Variants in GXYLT2 observed in about 807,000 individuals in gnomAD.
The protein encoded by GXYLT2 is glucoside xylosyltransferase 2.
A neutral mutation model predicts 45.8 loss-of-function variants in GXYLT2; 53 were observed. That is an observed-to-expected ratio of 1.16 (90% confidence interval 0.93 to 1.46). The LOEUF is 1.46. Among genes scored for constraint, GXYLT2 ranks in the 40% most tolerant of loss-of-function variants. The pLI, the probability that GXYLT2 is intolerant of heterozygous loss-of-function variation, is 0.00. For synonymous variants in GXYLT2, 219 were observed against 214.2 expected, an observed-to-expected ratio of 1.02 and a Z score of -0.19; for missense variants, 551 against 544.4, an observed-to-expected ratio of 1.01 and a Z score of -0.12.
intron 6 of GXYLT2, among the ~76,000 whole-genome samples, chr3:72,971,947 TAAA>T (rs77835059): frequency 8.4e-5 from 11 of 130,594 alleles, no homozygotes; most frequent in African/African-American, 8.3e-5. Context: ...ACACTCCATC[TAAA>T]AAAAAAAAAA....
intron 4 of GXYLT2, among the ~76,000 whole-genome samples, chr3:72,956,430 A>G (rs529029167): frequency 1.3e-5 from 2 of 152,256 alleles, no homozygotes; most frequent in East Asian, 3.9e-4. Context: ...TTTTATTTTA[A>G]AAGTAAATCA....
At chr3:72,913,688 C>G (rs916029516) in intron 2 of GXYLT2, among the ~76,000 whole-genome samples, 4 of 151,972 alleles carry the variant, frequency 2.6e-5, no homozygotes, top group African/African-American at 9.7e-5. Context: ...GAGCAAGACT[C>G]TGTCTCAAAA....
intron 5 of GXYLT2, among the ~76,000 whole-genome samples, chr3:72,967,148 A>G (rs571312234): frequency 5.3e-5 from 8 of 152,344 alleles, no homozygotes; most frequent in Middle Eastern, 3.4e-3. Flanking sequence ...TTAAAGTTTA[A>G]TCATCAAAAT....
chr3:72,922,103 G>A, intron 2 of GXYLT2, 101 bp from the exon 3 acceptor site: 3 of 1,031,576 alleles, frequency 2.9e-6, no homozygotes, highest in South Asian at 1.6e-5. Context: ...TTCTGTGTAA[G>A]TTGCCTGAAT....
chr3:72,896,805 G>A (rs1709300240), intron 1 of GXYLT2, among the ~76,000 whole-genome samples: 3 of 151,812 alleles, frequency 2.0e-5, no homozygotes, highest in Non-Finnish European at 4.4e-5. Context: ...AGCCGAGATA[G>A]CGCCACTGCA....
At chr3:72,897,168 C>G (rs1332141771) in intron 1 of GXYLT2, among the ~76,000 whole-genome samples, 3 of 152,166 alleles carry the variant, frequency 2.0e-5, no homozygotes, top group African/African-American at 7.2e-5. Context: ...CTTTCAGTTG[C>G]ACGTGATAGA....
Position 72,908,464 on chromosome 3 carries a change from C to A in GXYLT2, c.373C>A (p.Leu125Met), listed in dbSNP as rs761582493. ...CTGTGGCAATCGGCTGGAGGAGACG[C>A]TGGTCATGCTCAAATCAGCTGTGCT... ...VACGNRLEET[L>M]VMLKSAVLFS... The change falls in exon 2 of 7, where the codon CTG (leucine) becomes ATG (methionine). Residue 125 changes from leucine (L) to methionine (M), a missense_variant. Transcript: ENST00000389617. 1 of 1,613,944 alleles carries A rather than the reference C, an allele frequency of 6.2e-7. No individual in the cohort carries two copies. Among genetic ancestry groups the A allele is most frequent in the East Asian group, 2.2e-5 (1 of 44,884 alleles).
At chr3:72,947,619 G>A (rs894665514) in intron 3 of GXYLT2, among the ~76,000 whole-genome samples, 1 of 152,092 alleles carries the variant, frequency 6.6e-6, no homozygotes, top group Non-Finnish European at 1.5e-5. Context: ...AGCCAACATG[G>A]TGAAACCTTG....
intron 5 of GXYLT2, among the ~76,000 whole-genome samples, chr3:72,958,787 A>G (rs974803583): frequency 6.6e-6 from 1 of 151,764 alleles, no homozygotes; most frequent in Non-Finnish European, 1.5e-5. Flanking sequence ...GTGTGCCACT[A>G]TGCCTGGCTG....
rs547663139 is a variant in GXYLT2 at position 72,945,795 on chromosome 3, G to A, written c.601-9303G>A. 3.3e-5 allele frequency among the ~76,000 whole-genome samples: 5 copies of A among 152,330 alleles called. No homozygotes were observed. The East Asian group carries it at 5.8e-4, about 18-fold the overall frequency. The stretch of plus-strand genomic sequence containing the variant: ...TCAGGGAAAGAGGGCAGAATGCGCA[G>A]TGACTGCTAATTCACCTACATCAGC... On this transcript the variant is annotated intron_variant, in intron 3 of 6. Transcript: ENST00000389617.
chr3:72,938,349 C>G (rs1710230174), intron 3 of GXYLT2, among the ~76,000 whole-genome samples: 2 of 152,178 alleles, frequency 1.3e-5, no homozygotes, highest in South Asian at 4.1e-4. Flanking sequence ...AAAGATATAA[C>G]TTATAAAAGT....
chr3:72,935,248 C>G (rs923483547), intron 3 of GXYLT2, among the ~76,000 whole-genome samples: 1 of 152,070 alleles, frequency 6.6e-6, no homozygotes, highest in African/African-American at 2.4e-5. Flanking sequence ...ACCTCTTGTA[C>G]ATTAAAAGTA....
intron 1 of GXYLT2, among the ~76,000 whole-genome samples, chr3:72,889,066 C>T (rs1380267431): frequency 6.6e-6 from 1 of 152,152 alleles, no homozygotes; most frequent in Admixed American, 6.5e-5. Context: ...TGGGGGTTTC[C>T]AGATCCTCAT....
intron 6 of GXYLT2, among the ~76,000 whole-genome samples, chr3:72,970,716 G>A (rs1710972950): frequency 6.6e-6 from 1 of 152,046 alleles, no homozygotes; most frequent in Non-Finnish European, 1.5e-5. Context: ...TACAAAATTA[G>A]CTGGGCGTTG....
Position 72,974,957 on chromosome 3 carries a change from T to G in GXYLT2, c.1150-20T>G, listed in dbSNP as rs764995800. The G allele has an allele frequency of 3.9e-6, 6 of 1,525,550 alleles. No individual in the cohort carries two copies. Among genetic ancestry groups the G allele is most frequent in the African/African-American group, 1.4e-5 (1 of 71,202 alleles). 94.5% of individuals were successfully genotyped at this position (1,525,550 alleles called of 1,614,324 possible). The stretch of plus-strand genomic sequence containing the variant: ...TGGCATTTCCGTTACTAAATAAACT[T>G]TTTTTTTGTCATCTTTCAGTTTCCC... On this transcript the variant is annotated intron_variant, in intron 6 of 6. Transcript: ENST00000389617.
At chr3:72,945,053 A>G (rs188730787) in intron 3 of GXYLT2, among the ~76,000 whole-genome samples, 1 of 151,620 alleles carries the variant, frequency 6.6e-6, no homozygotes, top group Admixed American at 6.6e-5. Context: ...TCAGCCTCAA[A>G]GCGTATTTAA....
At chr3:72,912,332 T>C (rs1709648470) in intron 2 of GXYLT2, among the ~76,000 whole-genome samples, 1 of 151,984 alleles carries the variant, frequency 6.6e-6, no homozygotes, top group Non-Finnish European at 1.5e-5. Context: ...TTATTTTTTG[T>C]AGAGATGCGG....
rs144707697 is a variant in GXYLT2 at position 72,959,832 on chromosome 3, G to A, written c.976+2480G>A. The stretch of plus-strand genomic sequence containing the variant: ...GTGCTTTTAGTAGAGACAGGGTTTC[G>A]CCATGTTGGCCAGGCTGGTCTCGAA... On this transcript the variant is annotated intron_variant, in intron 5 of 6. Transcript: ENST00000389617. Among the ~76,000 whole-genome samples the A allele has an allele frequency of 2.2e-3, 327 of 150,500 alleles. 1 individual carries two copies. The highest frequency in any genetic ancestry group is 3.0e-3 in the African/African-American group (125 of 41,004).
chr3:72,925,917 G>A (rs1709911338), intron 3 of GXYLT2, among the ~76,000 whole-genome samples: 1 of 152,170 alleles, frequency 6.6e-6, no homozygotes, highest in South Asian at 2.1e-4. Context: ...TGGTTGACAG[G>A]ACATTTACCT....
Sources: gnomAD v4.1 joint callset for allele counts (sites outside exome capture counted in the v4.1 genomes callset) on GRCh38, gnomAD v4.1.1 for gene constraint, MANE v1.5 for transcripts, NCBI Gene and HGNC (gene_info 2026-07-23, HGNC 2026-07-21) for gene names.